The following CALD1 variants were observed in gnomAD, a reference collection of about 807,000 sequenced individuals.
CALD1 encodes the protein caldesmon 1.
A neutral mutation model predicts 99.9 loss-of-function variants in CALD1; 33 were observed. That is an observed-to-expected ratio of 0.33 (90% CI 0.25 to 0.44). CALD1 has a LOEUF of 0.44. Among genes scored for constraint, CALD1 ranks in the 20% least tolerant of loss-of-function variants. The pLI is 1.00. For missense variants in CALD1, 861 were observed against 962.1 expected (o/e 0.89, Z 1.39); for synonymous variants, 310 against 325.0 (o/e 0.95, Z 0.50).
chr7:134,789,340 T>G (rs1302150973), intron 1 of CALD1, among the ~76,000 whole-genome samples: 1 of 152,224 alleles, frequency 6.6e-6, no homozygotes, highest in Non-Finnish European at 1.5e-5. Flanking sequence ...ACTGCCCACC[T>G]TCTTTACCAC....
At chr7:134,871,592 C>T (rs1394305235) in intron 3 of CALD1, among the ~76,000 whole-genome samples, 1 of 152,148 alleles carries the variant, frequency 6.6e-6, no homozygotes, top group Non-Finnish European at 1.5e-5. Flanking sequence ...ACATGTACCC[C>T]GTATGGGTTC....
At chr7:134,736,730 T>G in the CALD1 span, among the ~76,000 whole-genome samples, 1 of 152,258 alleles carries the variant, frequency 6.6e-6, no homozygotes, top group Non-Finnish European at 1.5e-5. Context: ...TTATATACGC[T>G]ATTCAGTTTC....
chr7:134,965,418 G>T, intron 14 of CALD1, 32 bp downstream of exon 14: 1 of 1,074,192 alleles, frequency 9.3e-7, no homozygotes. Flanking sequence ...TATTTCAGAG[G>T]TTTGTTTTCC....
At chr7:134,763,857 G>A (rs1796799947) in intron 1 of CALD1, among the ~76,000 whole-genome samples, 1 of 149,100 alleles carries the variant, frequency 6.7e-6, no homozygotes, top group Admixed American at 6.8e-5. Context: ...GGCAGAGTTT[G>A]CAGTGAGCCG....
At chr7:134,889,714 C>G (rs887709207) in intron 3 of CALD1, among the ~76,000 whole-genome samples, 1 of 152,122 alleles carries the variant, frequency 6.6e-6, no homozygotes, top group Non-Finnish European at 1.5e-5. Flanking sequence ...TATTTAAGTC[C>G]TCTTGTGTGA....
intron 3 of CALD1, among the ~76,000 whole-genome samples, chr7:134,875,060 G>A (rs1279682261): frequency 6.6e-6 from 1 of 152,160 alleles, no homozygotes; most frequent in Non-Finnish European, 1.5e-5. Flanking sequence ...TTTCCATTAA[G>A]AAGTTAAATA....
At chr7:134,869,123 C>T (rs913273656) in intron 3 of CALD1, among the ~76,000 whole-genome samples, 1 of 151,926 alleles carries the variant, frequency 6.6e-6, no homozygotes, top group African/African-American at 2.4e-5. Context: ...AGTCATTATC[C>T]TGCAATGGAA....
At position 134,970,525 on chromosome 7, in the gene CALD1, A is replaced by C. The variant is rs758847065; in HGVS notation, c.*2180A>C. 7.2e-5 allele frequency: 11 copies of C among 152,656 alleles called. No homozygotes were observed. Among genetic ancestry groups the C allele is most frequent in the Admixed American group, 1.3e-4 (2 of 15,284 alleles). 9.5% of individuals were successfully genotyped at this position (152,656 alleles called of 1,614,324 possible). A position where few individuals can be genotyped will look rare whatever the true frequency, so the allele number is the denominator to read the frequency against. The stretch of plus-strand genomic sequence containing the variant: ...GCAAGCTGACTAGCATGTTCTGTGA[A>C]TCTGCCATTCCTAAAAATTTTATAA... On this transcript the variant is annotated 3_prime_UTR_variant, in exon 15 of 15. Coordinates refer to ENST00000361675, the MANE Select transcript of CALD1 (RefSeq NM_033138.4).
At position 134,936,234 on chromosome 7, in the gene CALD1, A is replaced by G. The variant is rs1207483632; in HGVS notation, c.1386+469A>G. Among the ~76,000 whole-genome samples the G allele has an allele frequency of 2.0e-5, 3 of 152,228 alleles. No homozygotes were observed. In the East Asian group the frequency reaches 5.8e-4, roughly 29 times the overall value. ...ACCCACACACATCTCAGTAGAAAAT[A>G]TGGTGAACTGAAGATGATATTTGGT... On this transcript the variant is annotated intron_variant, in intron 6 of 14. Transcript: ENST00000361675.
intron 1 of CALD1, among the ~76,000 whole-genome samples, chr7:134,839,000 C>T (rs74549432): frequency 0.086 from 13,058 of 152,148 alleles, 706 homozygotes; most frequent in Non-Finnish European, 0.11. Flanking sequence ...ACAGAATGAA[C>T]GCAACTGAGT....
chr7:134,925,693 T>C (rs1448855923), intron 3 of CALD1, among the ~76,000 whole-genome samples: 2 of 152,048 alleles, frequency 1.3e-5, no homozygotes, highest in Non-Finnish European at 2.9e-5. Context: ...ACCCCCATGA[T>C]CCAGTCAGCT....
chr7:134,722,721 C>T, the CALD1 span, among the ~76,000 whole-genome samples: 231 of 152,230 alleles, frequency 1.5e-3, no homozygotes, highest in African/African-American at 4.4e-3. Context: ...TGCCTGGCCT[C>T]TACCGTAGTT....
chr7:134,725,068 A>G, the CALD1 span, among the ~76,000 whole-genome samples: 1 of 152,116 alleles, frequency 6.6e-6, no homozygotes. Flanking sequence ...AATTTCTGAG[A>G]ATGATGACAT....
chr7:134,912,812 A>G (rs1803910511), intron 3 of CALD1, among the ~76,000 whole-genome samples: 1 of 152,232 alleles, frequency 6.6e-6, no homozygotes. Context: ...GAACTGGAAC[A>G]ACTGATTGAC....
chr7:134,927,900 A>G (rs1196420002), intron 3 of CALD1: 2 of 148,262 alleles, frequency 1.3e-5, no homozygotes, highest in Middle Eastern at 3.3e-3. Flanking sequence ...TTAATATAAT[A>G]TTTAATTTTA....
chr7:134,960,668 C>A, intron 13 of CALD1, 40 bp downstream of exon 13: 1 of 1,215,832 alleles, frequency 8.2e-7, no homozygotes, highest in Non-Finnish European at 1.2e-6. Context: ...TTTGATCTCC[C>A]AGCTTCTACC....
chr7:134,752,915 G>A (rs1796696958), intron 1 of CALD1, among the ~76,000 whole-genome samples: 1 of 151,000 alleles, frequency 6.6e-6, no homozygotes, highest in African/African-American at 2.4e-5. Flanking sequence ...GAGGCTGAAG[G>A]AGGAGAAGCA....
intron 3 of CALD1, among the ~76,000 whole-genome samples, chr7:134,896,620 C>T (rs867415115): frequency 5.9e-5 from 9 of 152,198 alleles, no homozygotes; most frequent in African/African-American, 1.9e-4. Context: ...TGGTTCAATA[C>T]CTGGTGGCCA....
intron 3 of CALD1, among the ~76,000 whole-genome samples, chr7:134,874,747 C>A (rs1801268394): frequency 6.7e-6 from 1 of 149,164 alleles, no homozygotes; most frequent in African/African-American, 2.5e-5. Context: ...ATCATTCATA[C>A]ATTTTTATGG....
Sources: gnomAD v4.1 joint callset for allele counts (sites outside exome capture counted in the v4.1 genomes callset) on GRCh38, gnomAD v4.1.1 for gene constraint, MANE v1.5 for transcripts, NCBI Gene and HGNC (gene_info 2026-07-23, HGNC 2026-07-21) for gene names.